The following WDR37 variants were observed in gnomAD, a reference collection of about 807,000 sequenced individuals.
The protein encoded by WDR37 is WD repeat domain 37.
WDR37 carries 19 observed loss-of-function variants against 62.9 expected under a neutral mutation model. The ratio of observed to expected loss-of-function variants is 0.30; its 90% confidence interval spans 0.21 to 0.44. The LOEUF (loss-of-function observed/expected upper bound fraction) is 0.44, where lower values mean the gene tolerates loss of function less well. Among genes scored for constraint, WDR37 ranks in the 20% least tolerant of loss-of-function variants. The pLI is 1.00. For missense variants in WDR37, 474 were observed against 657.6 expected (o/e 0.72, Z 3.05); for synonymous variants, 250 against 260.9 (o/e 0.96, Z 0.40).
chr10:1,060,356 A>T (rs1833336726), intron 1 of WDR37, among the ~76,000 whole-genome samples: 1 of 152,206 alleles, frequency 6.6e-6, no homozygotes, highest in African/African-American at 2.4e-5. Context: ...GACAGACTAA[A>T]TGAGTCAGGA....
intron 11 of WDR37, among the ~76,000 whole-genome samples, chr10:1,120,333 G>A (rs1835536897): frequency 6.6e-6 from 1 of 152,236 alleles, no homozygotes; most frequent in South Asian, 2.1e-4. Context: ...ACACAACACA[G>A]CTACCCCATG....
At chr10:1,124,148 G>T (rs1339374382) in intron 11 of WDR37, 70 bp from the exon 12 acceptor site, 4 of 1,599,988 alleles carry the variant, frequency 2.5e-6, no homozygotes, top group Non-Finnish European at 3.4e-6. Flanking sequence ...CTTGGTCAGG[G>T]TTGTGTGTGG....
At chr10:1,080,822 C>G (rs1834003195) in intron 5 of WDR37, among the ~76,000 whole-genome samples, 1 of 151,742 alleles carries the variant, frequency 6.6e-6, no homozygotes, top group Non-Finnish European at 1.5e-5. Context: ...ATGAGAATTG[C>G]TTAAGCCTGG....
Position 1,103,476 on chromosome 10 carries a change from T to G in WDR37, c.727-126T>G. On this transcript the variant is annotated intron_variant, in intron 9 of 13. Coordinates refer to ENST00000263150, the MANE Select transcript of WDR37 (RefSeq NM_014023.4). This position sits in a 1 kb window ranked among gnomAD's most constrained non-coding sequence, Gnocchi z 6.3. Reference sequence around the variant, plus strand: ...ACTGTGGCCAGCACCAGGCTCCTAGTGGTGACCATCATGATGGATATGTCC... The same window carrying G: ...ACTGTGGCCAGCACCAGGCTCCTAGGGGTGACCATCATGATGGATATGTCC... 1 of 997,596 alleles carries G rather than the reference T, an allele frequency of 1.0e-6. No individual in the cohort carries two copies. Among genetic ancestry groups the G allele is most frequent in the Non-Finnish European group, 1.5e-6 (1 of 674,400 alleles). 61.8% of individuals were successfully genotyped at this position (997,596 alleles called of 1,614,324 possible).
At chr10:1,104,792 C>T (rs1488740659) in intron 10 of WDR37, among the ~76,000 whole-genome samples, 2 of 152,114 alleles carry the variant, frequency 1.3e-5, no homozygotes, top group African/African-American at 4.8e-5. Context: ...GGACCCATAG[C>T]GTTGTATCAT....
chr10:1,065,235 T>C (rs1444579857), intron 1 of WDR37, among the ~76,000 whole-genome samples: 1 of 152,090 alleles, frequency 6.6e-6, no homozygotes, highest in Non-Finnish European at 1.5e-5. Context: ...GTAGGAAATA[T>C]TTGTGATTAC....
chr10:1,091,390 G>T (rs1291323887), intron 7 of WDR37, among the ~76,000 whole-genome samples: 2 of 152,306 alleles, frequency 1.3e-5, no homozygotes, highest in East Asian at 3.9e-4. Context: ...AGTGTACACG[G>T]TTTCCACCAG....
chr10:1,118,687 G>A (rs1835479164), intron 11 of WDR37, among the ~76,000 whole-genome samples: 1 of 152,204 alleles, frequency 6.6e-6, no homozygotes, highest in South Asian at 2.1e-4. Context: ...TTCCACAGAA[G>A]CGATTTCTCC....
At chr10:1,095,477 A>C (rs1040919965) in intron 8 of WDR37, among the ~76,000 whole-genome samples, 6 of 152,088 alleles carry the variant, frequency 3.9e-5, no homozygotes, top group African/African-American at 1.4e-4. Context: ...AGGAGTTGCA[A>C]GTCCGGGCAG....
At position 1,106,661 on chromosome 10, in the gene WDR37, C is replaced by T. The variant is rs535545208; in HGVS notation, c.1103+1394C>T. On this transcript the variant is annotated intron_variant, in intron 11 of 13. Coordinates refer to ENST00000263150, the MANE Select transcript of WDR37 (RefSeq NM_014023.4). ...CCTCCCTAGTAGCTGGGATTACAGGCGCCCACCACCATGCCTGGTTAATTT... is the reference window on the plus strand; with the variant it reads ...CCTCCCTAGTAGCTGGGATTACAGGTGCCCACCACCATGCCTGGTTAATTT... Among the ~76,000 whole-genome samples the T allele has an allele frequency of 7.2e-5, 11 of 152,090 alleles. No individual in the cohort carries two copies. In the East Asian group the frequency reaches 1.4e-3, roughly 19 times the overall value.
At position 1,103,431 on chromosome 10, in the gene WDR37, C is replaced by G. The variant is rs1265597099; in HGVS notation, c.727-171C>G. Among the ~76,000 whole-genome samples, 1 of 152,084 alleles carries G rather than the reference C, an allele frequency of 6.6e-6. No individual in the cohort carries two copies. The highest frequency in any genetic ancestry group is 1.5e-5 in the Non-Finnish European group (1 of 68,032). On this transcript the variant is annotated intron_variant, in intron 9 of 13. Transcript: ENST00000263150. The surrounding 1 kb of genome is among the most constrained non-coding windows in gnomAD (Gnocchi z 6.3). Reference sequence around the variant, plus strand: ...GTGTTCACGGGCAGCAGTTATGGGTCAGAGGAGGACATACTCATCACTGTG... The same window carrying G: ...GTGTTCACGGGCAGCAGTTATGGGTGAGAGGAGGACATACTCATCACTGTG...
intron 11 of WDR37, among the ~76,000 whole-genome samples, chr10:1,108,889 G>A (rs189098247): frequency 1.3e-5 from 2 of 152,308 alleles, no homozygotes; most frequent in East Asian, 3.9e-4. Context: ...TTGAGAATTG[G>A]GTGAAGAGGG....
intron 3 of WDR37, among the ~76,000 whole-genome samples, chr10:1,078,258 C>T (rs1304444640): frequency 6.6e-6 from 1 of 152,168 alleles, no homozygotes; most frequent in East Asian, 1.9e-4. Flanking sequence ...ATTTTCCCTA[C>T]ACCAAGTACA....
intron 5 of WDR37, 59 bp downstream of exon 5, chr10:1,080,535 C>A: frequency 1.9e-6 from 3 of 1,549,144 alleles, no homozygotes; most frequent in Non-Finnish European, 2.7e-6. Flanking sequence ...CAGATGTGTA[C>A]TTTAAGTTGT....
chr10:1,103,707 A>G lies in WDR37; in HGVS notation c.832A>G (p.Lys278Glu), dbSNP rs749850581. 2.5e-6 allele frequency: 4 copies of G among 1,614,114 alleles called. No individual in the cohort carries two copies. The African/African-American group carries it at 5.3e-5, about 22-fold the overall frequency. The change falls in exon 10 of 14, where the codon AAG becomes GAG. Residue 278 changes from lysine (K) to glutamate (E), a missense_variant. Transcript: ENST00000263150. This position sits in a 1 kb window ranked among gnomAD's most constrained non-coding sequence, Gnocchi z 6.3. ...PTIRVPLTSL[K>E]SHQGVVIASD... ...CATCCGCGTCCCACTGACATCCCTC[A>G]AGAGCCACCAGGGCGTGGTCATCGC...
At chr10:1,077,427 A>T (rs1253432198) in intron 2 of WDR37, among the ~76,000 whole-genome samples, 1 of 151,894 alleles carries the variant, frequency 6.6e-6, no homozygotes, top group African/African-American at 2.4e-5. Context: ...TGTTATGTCG[A>T]GTGATGGGAG....
chr10:1,124,793 C>A, intron 12 of WDR37, 117 bp from the exon 13 acceptor site: 1 of 1,331,326 alleles, frequency 7.5e-7, no homozygotes, highest in Non-Finnish European at 1.0e-6. Flanking sequence ...GCAGTGTGTT[C>A]ATGTAGTCGG....
chr10:1,104,259 G>T (rs536359497), intron 10 of WDR37, among the ~76,000 whole-genome samples: 1 of 152,280 alleles, frequency 6.6e-6, no homozygotes, highest in South Asian at 2.1e-4. Context: ...CCAAGGCTGC[G>T]GTCCTCTTCC....
intron 11 of WDR37, among the ~76,000 whole-genome samples, chr10:1,106,895 A>G (rs1156704089): frequency 6.6e-6 from 1 of 152,230 alleles, no homozygotes; most frequent in African/African-American, 2.4e-5. Flanking sequence ...AGCAGGCAGC[A>G]GTCACGACCA....
Sources: allele counts gnomAD v4.1 joint callset (sites outside exome capture counted in the v4.1 genomes callset), GRCh38; gene constraint gnomAD v4.1.1; non-coding constraint Gnocchi (gnomAD v3.1); transcripts MANE v1.5; gene names NCBI Gene and HGNC (gene_info 2026-07-23, HGNC 2026-07-21).